Variants in RYR2 observed in about 807,000 individuals in gnomAD.
RYR2 encodes the protein ryanodine receptor 2.
A neutral mutation model predicts 601.1 loss-of-function variants in RYR2; 227 were observed. The ratio of observed to expected loss-of-function variants is 0.38; its 90% CI spans 0.34 to 0.42. The LOEUF is 0.42. Ranked by LOEUF, RYR2 falls within the 10% of genes least tolerant of loss-of-function variation. RYR2 has a pLI of 1.00. For missense variants in RYR2, 4,646 were observed against 6,156.5 expected, an observed-to-expected ratio of 0.75 and a Z score of 8.21; for synonymous variants, 2,223 against 2,175.1, an observed-to-expected ratio of 1.02 and a Z score of -0.61.
chr1:237,743,276 G>A (rs1417929501), intron 80 of RYR2, among the ~76,000 whole-genome samples: 4 of 152,188 alleles, frequency 2.6e-5, no homozygotes, highest in Non-Finnish European at 5.9e-5. Flanking sequence ...CTTCCAGGAT[G>A]CATTTGTTAT....
chr1:237,135,734 A>C (rs1463933770), intron 1 of RYR2, among the ~76,000 whole-genome samples: 2 of 152,110 alleles, frequency 1.3e-5, no homozygotes, highest in Admixed American at 1.3e-4. Context: ...TAGCTTATTG[A>C]AGGTCTGTCA....
rs1668674491 is a variant in RYR2 at position 237,106,286 on chromosome 1, C to T, written c.48+63717C>T. Among the ~76,000 whole-genome samples the T allele has an allele frequency of 6.6e-6, 1 of 152,206 alleles. No individual in the cohort carries two copies. The stretch of plus-strand genomic sequence containing the variant: ...GAGAACAGCTCCCCTGCACCAGCTC[C>T]CGCTGGGCTGCAGACAGGCTCTGAT... On this transcript the variant is annotated intron_variant, in intron 1 of 104. Transcript: ENST00000366574. This position sits in a 1 kb window ranked among gnomAD's most constrained non-coding sequence, Gnocchi z 4.4.
At chr1:237,162,954 T>G (rs111689687) in intron 1 of RYR2, among the ~76,000 whole-genome samples, 3,328 of 152,216 alleles carry the variant, frequency 0.022, 52 homozygotes, top group South Asian at 0.036. Flanking sequence ...TCTCTACAAC[T>G]GCTACTTCAG....
chr1:237,119,060 T>C (rs1246101550), intron 1 of RYR2, among the ~76,000 whole-genome samples: 1 of 152,190 alleles, frequency 6.6e-6, no homozygotes, highest in Non-Finnish European at 1.5e-5. Context: ...CCTAACCCCC[T>C]AGTACCTTAG....
chr1:237,502,992 C>T (rs970571115), intron 21 of RYR2, among the ~76,000 whole-genome samples: 3 of 152,062 alleles, frequency 2.0e-5, no homozygotes, highest in Non-Finnish European at 4.4e-5. Context: ...CACTTCATTC[C>T]CGTAAGAATG....
chr1:237,248,781 G>A (rs1016561895), intron 1 of RYR2, among the ~76,000 whole-genome samples: 6 of 131,006 alleles, frequency 4.6e-5, no homozygotes, highest in Admixed American at 1.6e-4. Flanking sequence ...TTTTTTTTGA[G>A]ATGGAGTTTT....
chr1:237,278,492 T>C (rs988148710), intron 2 of RYR2, among the ~76,000 whole-genome samples: 8 of 152,100 alleles, frequency 5.3e-5, no homozygotes, highest in African/African-American at 1.9e-4. Flanking sequence ...ATAGAAAATA[T>C]ATTACCTTAT....
At chr1:237,706,499 C>T (rs889566076) in intron 67 of RYR2, among the ~76,000 whole-genome samples, 5 of 152,080 alleles carry the variant, frequency 3.3e-5, no homozygotes, top group Non-Finnish European at 7.4e-5. Context: ...GCTAAGTAAT[C>T]CAGGAAAGAT....
At chr1:237,661,390 A>G (rs996342282) in intron 56 of RYR2, among the ~76,000 whole-genome samples, 4 of 152,114 alleles carry the variant, frequency 2.6e-5, no homozygotes, top group African/African-American at 7.2e-5. Context: ...AGAAATACCT[A>G]ATGTAGATGA....
intron 1 of RYR2, among the ~76,000 whole-genome samples, chr1:237,094,737 G>A (rs1166964271): frequency 2.0e-5 from 3 of 151,982 alleles, no homozygotes; most frequent in African/African-American, 4.8e-5. Flanking sequence ...GACTACAGGC[G>A]CCCACCACCA....
rs138540268 is a variant in RYR2 at position 237,498,466 on chromosome 1, C to A, written c.2203+1714C>A. ...CATTTGAACTATAATCCTTTAGATACTATTACCCCCTCTCTCCCTAGCTCC... is the reference window on the plus strand; with the variant it reads ...CATTTGAACTATAATCCTTTAGATAATATTACCCCCTCTCTCCCTAGCTCC... On this transcript the variant is annotated intron_variant, in intron 20 of 104. Coordinates refer to ENST00000366574, the MANE Select transcript of RYR2 (RefSeq NM_001035.3). Among the ~76,000 whole-genome samples, 27 of 152,094 alleles carry A rather than the reference C, an allele frequency of 1.8e-4. No homozygotes were observed. The East Asian group carries it at 5.2e-3, about 30-fold the overall frequency.
chr1:237,094,401 C>CA (rs1035470334), intron 1 of RYR2, among the ~76,000 whole-genome samples: 6 of 152,118 alleles, frequency 3.9e-5, no homozygotes, highest in Non-Finnish European at 8.8e-5. Context: ...TCCTTATAAG[C>CA]AAAAACCATA....
chr1:237,533,697 A>T (rs997739524), intron 25 of RYR2, among the ~76,000 whole-genome samples: 1 of 152,158 alleles, frequency 6.6e-6, no homozygotes, highest in Admixed American at 6.5e-5. Flanking sequence ...AAAAATAAAA[A>T]CTAAATACAT....
At chr1:237,507,903 T>C (rs1338581566) in intron 23 of RYR2, among the ~76,000 whole-genome samples, 1 of 152,234 alleles carries the variant, frequency 6.6e-6, no homozygotes, top group East Asian at 1.9e-4. Context: ...AACTAAATGA[T>C]AGTTAGACAT....
intron 63 of RYR2, among the ~76,000 whole-genome samples, chr1:237,694,054 G>A (rs1687187254): frequency 6.6e-6 from 1 of 152,136 alleles, no homozygotes; most frequent in African/African-American, 2.4e-5. Context: ...CAGCACTCTG[G>A]GAGGCTGAGG....
intron 1 of RYR2, among the ~76,000 whole-genome samples, chr1:237,233,631 T>C (rs1685229309): frequency 6.6e-6 from 1 of 152,120 alleles, no homozygotes; most frequent in Non-Finnish European, 1.5e-5. Context: ...GTAATGGCTA[T>C]TAGTTTTGCT....
chr1:237,777,673 G>A (rs143686364), intron 87 of RYR2, among the ~76,000 whole-genome samples: 1,860 of 152,204 alleles, frequency 0.012, 24 homozygotes, highest in Middle Eastern at 0.02. Context: ...GTGCTACAGC[G>A]GATCCACCCT....
chr1:237,588,135 A>G (rs572724508), intron 29 of RYR2, among the ~76,000 whole-genome samples: 1 of 151,862 alleles, frequency 6.6e-6, no homozygotes, highest in Admixed American at 6.6e-5. Context: ...TACAGCTGCA[A>G]TTTTTTTTAG....
intron 4 of RYR2, among the ~76,000 whole-genome samples, chr1:237,362,848 C>G (rs16835164): frequency 0.27 from 41,197 of 152,020 alleles, 6,072 homozygotes; most frequent in East Asian, 0.32. Context: ...TCAGCATTTG[C>G]TATTTTTCAG....
Sources: allele counts gnomAD v4.1 joint callset (sites outside exome capture counted in the v4.1 genomes callset), GRCh38; gene constraint gnomAD v4.1.1; non-coding constraint Gnocchi (gnomAD v3.1); transcripts MANE v1.5; gene names NCBI Gene and HGNC (gene_info 2026-07-23, HGNC 2026-07-21).